The following PDE4D variants were observed in gnomAD, a reference collection of about 807,000 sequenced individuals.
The protein encoded by PDE4D is 3',5'-cyclic-AMP phosphodiesterase 4D.
PDE4D carries 24 observed loss-of-function variants against 87.4 expected under a neutral mutation model. The ratio of observed to expected loss-of-function variants is 0.27; its 90% CI spans 0.20 to 0.39. PDE4D has a LOEUF of 0.39. PDE4D is among the 10% of genes least tolerant of loss of function. The probability of loss-of-function intolerance (pLI) is 1.00; values close to 1 mark genes in which losing one functional copy is unlikely to be tolerated. For synonymous variants in PDE4D, 384 were observed against 383.2 expected, an observed-to-expected ratio of 1.00 and a Z score of -0.02; for missense variants, 714 against 1,041.0, an observed-to-expected ratio of 0.69 and a Z score of 4.32.
At chr5:60,346,755 A>G in intron 1 of PDE4D, among the ~76,000 whole-genome samples, 1 of 152,098 alleles carries the variant, frequency 6.6e-6, no homozygotes, top group East Asian at 1.9e-4. Flanking sequence ...AAACACTCCT[A>G]TTTGCTCTTA....
chr5:59,710,300 A>G (rs1414414312), intron 1 of PDE4D, among the ~76,000 whole-genome samples: 2 of 152,202 alleles, frequency 1.3e-5, no homozygotes, highest in Non-Finnish European at 2.9e-5. Context: ...CATGAGAGGC[A>G]GGAAAGCAAG....
intron 1 of PDE4D, among the ~76,000 whole-genome samples, chr5:60,267,802 C>T (rs1750372045): frequency 6.6e-6 from 1 of 152,098 alleles, no homozygotes; most frequent in African/African-American, 2.4e-5. Context: ...TCTGTGTTTG[C>T]TGTCTTTTTT....
intron 2 of PDE4D, among the ~76,000 whole-genome samples, chr5:60,181,281 C>T (rs577776980): frequency 7.8e-4 from 118 of 152,202 alleles, no homozygotes; most frequent in Middle Eastern, 3.4e-3. Flanking sequence ...AATAAAATCA[C>T]TTTAGTTTAC....
rs148804804 is a variant in PDE4D, at chr5:59,924,957, C to G, written c.272+63531G>C. Reference sequence around the variant, plus strand: ...TTGGGAGGCTGAAGCGGGCAGATCACGAGGTCAGGAGATTGAGACCATCCT... The same window carrying G: ...TTGGGAGGCTGAAGCGGGCAGATCAGGAGGTCAGGAGATTGAGACCATCCT... On this transcript the variant is annotated intron_variant, in intron 3 of 16. Coordinates refer to the PDE4D transcript ENST00000502484. Among the ~76,000 whole-genome samples the G allele has an allele frequency of 4.2e-3, 641 of 151,968 alleles. 29 individuals are homozygous for G. The East Asian group carries it at 0.11, about 26-fold the overall frequency.
chr5:59,350,357 G>A (rs1454946591), intron 1 of PDE4D, among the ~76,000 whole-genome samples: 1 of 152,258 alleles, frequency 6.6e-6, no homozygotes, highest in African/African-American at 2.4e-5. Flanking sequence ...GAAGCACACA[G>A]AGCCAGGGTT....
At chr5:59,352,698 C>T (rs1393328719) in intron 1 of PDE4D, among the ~76,000 whole-genome samples, 1 of 152,090 alleles carries the variant, frequency 6.6e-6, no homozygotes, top group Non-Finnish European at 1.5e-5. Context: ...ATATCTAGAT[C>T]TTCTTGTTTG....
rs575978154 is a variant in PDE4D at position 59,281,897 on chromosome 5, C to G, written c.456-65929G>C. Among the ~76,000 whole-genome samples, 277 of 152,294 alleles carry G rather than the reference C, an allele frequency of 1.8e-3. 1 individual carries two copies. The highest frequency in any genetic ancestry group is 6.2e-3 in the African/African-American group (259 of 41,566). On this transcript the variant is annotated intron_variant, in intron 1 of 14. Coordinates refer to ENST00000340635, the MANE Select transcript of PDE4D (RefSeq NM_001104631.2). ...ATTAAAGAAAAAACAATTATGGAAG[C>G]ACAAAGTTTGAAGATAACAATTCAC...
chr5:60,425,925 A>G (rs992762761), intron 1 of PDE4D, among the ~76,000 whole-genome samples: 134 of 152,256 alleles, frequency 8.8e-4, no homozygotes, highest in Non-Finnish European at 2.8e-4. Flanking sequence ...CAACAGACAC[A>G]TGAAAAAATG....
intron 1 of PDE4D, among the ~76,000 whole-genome samples, chr5:60,422,599 T>C (rs1441499901): frequency 6.6e-6 from 1 of 152,158 alleles, no homozygotes; most frequent in African/African-American, 2.4e-5. Context: ...CATGCCAAAT[T>C]GTAAAGACCA....
At chr5:59,054,355 C>T (rs576302110) in intron 5 of PDE4D, among the ~76,000 whole-genome samples, 1 of 151,986 alleles carries the variant, frequency 6.6e-6, no homozygotes, top group Non-Finnish European at 1.5e-5. Context: ...TATACTATAA[C>T]CTGGTAGATT....
intron 5 of PDE4D, among the ~76,000 whole-genome samples, chr5:59,154,159 G>T (rs1216117053): frequency 6.6e-6 from 1 of 152,142 alleles, no homozygotes; most frequent in East Asian, 1.9e-4. Context: ...TTTAAGAAGA[G>T]TGACATTTGC....
chr5:59,703,338 T>A (rs1752886757), intron 1 of PDE4D, among the ~76,000 whole-genome samples: 1 of 152,160 alleles, frequency 6.6e-6, no homozygotes, highest in Non-Finnish European at 1.5e-5. Flanking sequence ...ACAGGTCTTA[T>A]TTTTAAAACT....
chr5:59,342,091 A>C (rs1367019462), intron 1 of PDE4D, among the ~76,000 whole-genome samples: 3 of 152,112 alleles, frequency 2.0e-5, no homozygotes, highest in Non-Finnish European at 2.9e-5. Context: ...GAAGTGAACT[A>C]CTCACTTTAA....
intron 5 of PDE4D, chr5:59,090,988 A>C (rs1009337996): frequency 5.2e-6 from 2 of 383,254 alleles, no homozygotes; most frequent in African/African-American, 4.3e-5. Context: ...GTGCTCAGAA[A>C]TGCTGTTTAG....
chr5:59,189,262 T>TC (rs1743753182), intron 3 of PDE4D, among the ~76,000 whole-genome samples: 1 of 147,132 alleles, frequency 6.8e-6, no homozygotes, highest in Non-Finnish European at 1.5e-5. Context: ...TGTTTTTTTT[T>TC]TTTTGAGACG....
intron 1 of PDE4D, among the ~76,000 whole-genome samples, chr5:59,501,980 A>G (rs931205450): frequency 6.6e-6 from 1 of 152,286 alleles, no homozygotes; most frequent in Middle Eastern, 3.4e-3. Flanking sequence ...AGGAATTTTT[A>G]CAGTGCCTTT....
chr5:60,120,604 C>T (rs1778586108), intron 2 of PDE4D, among the ~76,000 whole-genome samples: 2 of 152,128 alleles, frequency 1.3e-5, no homozygotes, highest in Admixed American at 1.3e-4. Flanking sequence ...AGGTGGGCAG[C>T]TGGGTTTTGA....
chr5:58,975,542 C>G lies in PDE4D; in HGVS notation c.2013+115G>C. 1.2e-6 allele frequency: 1 copy of G among 853,714 alleles called. No individual in the cohort carries two copies. The highest frequency in any genetic ancestry group is 3.4e-5 in the South Asian group (1 of 29,734). 52.9% of individuals were successfully genotyped at this position (853,714 alleles called of 1,614,324 possible). On this transcript the variant is annotated intron_variant, in intron 14 of 14. Coordinates refer to ENST00000340635, the MANE Select transcript of PDE4D (RefSeq NM_001104631.2). The surrounding 1 kb of genome is among the most constrained non-coding windows in gnomAD (Gnocchi z 4.2). Reference sequence around the variant, plus strand: ...AATACTAAGGTGAAATTGAGCTTGTCAAAAACAAAGTAATTTTAAAAATCC... The same window carrying G: ...AATACTAAGGTGAAATTGAGCTTGTGAAAAACAAAGTAATTTTAAAAATCC...
intron 1 of PDE4D, among the ~76,000 whole-genome samples, chr5:59,552,183 T>A (rs1055926228): frequency 3.3e-5 from 5 of 152,164 alleles, no homozygotes; most frequent in African/African-American, 1.2e-4. Context: ...TGTGCCATTG[T>A]ACTCCAGCCT....
Sources: gnomAD v4.1 joint callset for allele counts (sites outside exome capture counted in the v4.1 genomes callset) on GRCh38, gnomAD v4.1.1 for gene constraint, Gnocchi (gnomAD v3.1) non-coding constraint, MANE v1.5 for transcripts, NCBI Gene and HGNC (gene_info 2026-07-23, HGNC 2026-07-21) for gene names.